Variants in CFAP70 observed in about 807,000 individuals in gnomAD.
The protein encoded by CFAP70 is cilia and flagella associated protein 70.
Under a neutral mutation model 137.6 loss-of-function variants are expected in CFAP70, and 81 were observed. The ratio of observed to expected loss-of-function variants is 0.59; its 90% CI spans 0.49 to 0.71. The LOEUF (loss-of-function observed/expected upper bound fraction) is 0.71. CFAP70 is among the 30% of genes least tolerant of loss of function. The pLI is 0.00. For missense variants in CFAP70, 976 were observed against 1,226.7 expected (o/e 0.80, Z 3.05); for synonymous variants, 382 against 423.6 (o/e 0.90, Z 1.20).
chr10:73,258,590 A>C (rs537624949), intron 25 of CFAP70, among the ~76,000 whole-genome samples: 2 of 152,350 alleles, frequency 1.3e-5, no homozygotes, highest in African/African-American at 4.8e-5. Context: ...GGAACAAGGG[A>C]AATAACTATT....
At chr10:73,322,932 C>A in intron 9 of CFAP70, 31 bp downstream of exon 10, 1 of 1,559,590 alleles carries the variant, frequency 6.4e-7, no homozygotes, top group Non-Finnish European at 8.7e-7. Context: ...GGATAAATTA[C>A]CATGATGATT....
At chr10:73,262,003 CATATGTATATATGTATAT>C (rs1175068784) in intron 25 of CFAP70, among the ~76,000 whole-genome samples, 1 of 132,326 alleles carries the variant, frequency 7.6e-6, no homozygotes, top group Non-Finnish European at 1.7e-5. Flanking sequence ...TATATGTATA[CATATGTATATATGTATAT>C]ATTATATATG....
intron 19 of CFAP70, 66 bp downstream of exon 20, chr10:73,291,160 G>A (rs1304076406): frequency 1.4e-6 from 2 of 1,456,704 alleles, no homozygotes; most frequent in Admixed American, 1.7e-5. Context: ...GACTACAGGT[G>A]TGAGCCACCA....
intron 8 of CFAP70, among the ~76,000 whole-genome samples, chr10:73,325,259 T>C (rs2051289397): frequency 6.6e-6 from 1 of 152,020 alleles, no homozygotes; most frequent in Non-Finnish European, 1.5e-5. Flanking sequence ...GAAGGAGAAA[T>C]AAAATACTTT....
intron 1 of CFAP70, among the ~76,000 whole-genome samples, chr10:73,356,697 C>T (rs2054706520): frequency 1.3e-5 from 2 of 152,190 alleles, no homozygotes; most frequent in African/African-American, 4.8e-5. Context: ...TTTCTGGGCT[C>T]TTTAAGGGCT....
intron 6 of CFAP70, among the ~76,000 whole-genome samples, chr10:73,337,230 C>A (rs1738308352): frequency 2.6e-5 from 4 of 152,188 alleles, no homozygotes; most frequent in African/African-American, 7.2e-5. Context: ...CCTGTAATCC[C>A]AGCACTTTGG....
chr10:73,307,446 G>T (rs1255734865), intron 12 of CFAP70, among the ~76,000 whole-genome samples: 1 of 152,098 alleles, frequency 6.6e-6, no homozygotes, highest in Non-Finnish European at 1.5e-5. Context: ...AACTCACACA[G>T]AATCCATCTA....
intron 25 of CFAP70, among the ~76,000 whole-genome samples, chr10:73,261,000 A>T (rs1290628814): frequency 6.6e-6 from 1 of 152,236 alleles, no homozygotes; most frequent in Non-Finnish European, 1.5e-5. Flanking sequence ...TATGGTAAAT[A>T]TGTGTAACTT....
intron 3 of CFAP70, among the ~76,000 whole-genome samples, chr10:73,352,349 G>A (rs2054343139): frequency 6.6e-6 from 1 of 152,158 alleles, no homozygotes; most frequent in Non-Finnish European, 1.5e-5. Flanking sequence ...TGAGGGTGGG[G>A]GTTTTTTTCC....
intron 25 of CFAP70, among the ~76,000 whole-genome samples, chr10:73,267,421 T>A (rs1443696967): frequency 6.6e-6 from 1 of 152,206 alleles, no homozygotes; most frequent in Non-Finnish European, 1.5e-5. Context: ...TCTAAAAGCC[T>A]AACCTCTGAG....
At chr10:73,345,202 G>A in intron 4 of CFAP70, 1 of 1,614,176 alleles carries the variant, frequency 6.2e-7, no homozygotes, top group Non-Finnish European at 8.5e-7. Context: ...GCTGTGGTCA[G>A]TAAAGGCTCT....
intron 8 of CFAP70, among the ~76,000 whole-genome samples, chr10:73,330,342 C>G (rs1022996213): frequency 6.6e-6 from 1 of 150,602 alleles, no homozygotes; most frequent in Non-Finnish European, 1.5e-5. Context: ...CCCAGCTACT[C>G]AGGAGGCTGA....
intron 25 of CFAP70, among the ~76,000 whole-genome samples, chr10:73,265,287 C>T (rs1174907033): frequency 6.7e-6 from 1 of 148,812 alleles, no homozygotes; most frequent in Non-Finnish European, 1.5e-5. Flanking sequence ...CGCGCCACTG[C>T]ACTCCAGTCT....
chr10:73,283,390 C>A (rs2047408415), intron 19 of CFAP70, among the ~76,000 whole-genome samples: 1 of 152,170 alleles, frequency 6.6e-6, no homozygotes, highest in Non-Finnish European at 1.5e-5. Context: ...TCTGTTAATT[C>A]TCTGTCTAGT....
intron 15 of CFAP70, chr10:73,294,008 G>C (rs1206671565): frequency 6.6e-6 from 1 of 152,142 alleles, no homozygotes; most frequent in Non-Finnish European, 1.5e-5. Context: ...GGTCAAGAAA[G>C]AGTCCACAAA....
Position 73,353,539 on chromosome 10 carries a change from G to A in CFAP70, c.250+17C>T. On this transcript the variant is annotated intron_variant, in intron 3 of 26. Coordinates refer to ENST00000310715, the Ensembl canonical transcript of CFAP70. ...AAGGCAATCGGGACATTGATTTTTAGAACCACAAGGACTTACAGAACACAG... is the reference window on the plus strand; with the variant it reads ...AAGGCAATCGGGACATTGATTTTTAAAACCACAAGGACTTACAGAACACAG... 6.2e-7 allele frequency: 1 copy of A among 1,603,792 alleles called. No individual in the cohort carries two copies. The highest frequency in any genetic ancestry group is 8.5e-7 in the Non-Finnish European group (1 of 1,172,988).
At chr10:73,312,038 G>T in intron 10 of CFAP70, 124 bp from the exon 12 acceptor site, 2 of 755,924 alleles carry the variant, frequency 2.6e-6, no homozygotes, top group South Asian at 1.7e-5. Flanking sequence ...GAATGAGTTT[G>T]TGTCCTTTGC....
chr10:73,344,158 T>G (rs2053516037), intron 5 of CFAP70, among the ~76,000 whole-genome samples: 1 of 152,048 alleles, frequency 6.6e-6, no homozygotes. Flanking sequence ...GAGACAGGGT[T>G]TCACCATGTT....
chr10:73,343,479 C>T (rs1167318755), intron 5 of CFAP70, among the ~76,000 whole-genome samples: 1 of 152,118 alleles, frequency 6.6e-6, no homozygotes, highest in Non-Finnish European at 1.5e-5. Flanking sequence ...GAGGCTGAGA[C>T]ATGCGGATCA....
Sources: allele counts gnomAD v4.1 joint callset (sites outside exome capture counted in the v4.1 genomes callset), GRCh38; gene constraint gnomAD v4.1.1; transcripts MANE v1.5; gene names NCBI Gene and HGNC (gene_info 2026-07-23, HGNC 2026-07-21).